AKAP13: variants seen among roughly 807,000 people sequenced by gnomAD.
AKAP13 encodes the protein A-kinase anchoring protein 13, also known as A-kinase anchor protein 13.
Under a neutral mutation model 264.5 loss-of-function variants are expected in AKAP13, and 80 were observed. The ratio of observed to expected loss-of-function variants is 0.30; its 90% CI spans 0.25 to 0.36. The LOEUF (loss-of-function observed/expected upper bound fraction) is 0.36. AKAP13 is among the 10% of genes least tolerant of loss of function. The pLI is 1.00. For synonymous variants in AKAP13, 1,380 were observed against 1,250.2 expected, an observed-to-expected ratio of 1.10 and a Z score of -2.19; for missense variants, 3,712 against 3,435.2, an observed-to-expected ratio of 1.08 and a Z score of -2.01.
At position 85,395,030 on chromosome 15, in the gene AKAP13, G is replaced by A. The variant is rs912817352; in HGVS notation, c.-12+14232G>A. On this transcript the variant is annotated intron_variant, in intron 1 of 36. Transcript: ENST00000394518. ...TAAATAGAATTATTTGATAAATAGT[G>A]TGTCTGGGTAATTTCCTAAGACAGG... 2.6e-5 allele frequency among the ~76,000 whole-genome samples: 4 copies of A among 152,160 alleles called. No individual in the cohort carries two copies. In the East Asian group the frequency reaches 5.8e-4, roughly 22 times the overall value.
intron 2 of AKAP13, among the ~76,000 whole-genome samples, chr15:85,519,224 G>T (rs964746504): frequency 4.6e-5 from 7 of 152,174 alleles, no homozygotes; most frequent in South Asian, 2.1e-4. Flanking sequence ...TAAATGAATG[G>T]GTTGGGTTCA....
chr15:85,467,606 G>T (rs182332894), intron 1 of AKAP13, among the ~76,000 whole-genome samples: 1 of 152,030 alleles, frequency 6.6e-6, no homozygotes, highest in Non-Finnish European at 1.5e-5. Flanking sequence ...TTCCTAGGTA[G>T]AATTGGCCAC....
intron 1 of AKAP13, among the ~76,000 whole-genome samples, chr15:85,387,260 C>T (rs774383833): frequency 6.6e-6 from 1 of 151,874 alleles, no homozygotes; most frequent in African/African-American, 2.4e-5. Flanking sequence ...TGCTTTAGCC[C>T]GGGAGATGGA....
chr15:85,442,194 G>T (rs978046495), intron 1 of AKAP13, among the ~76,000 whole-genome samples: 8 of 151,168 alleles, frequency 5.3e-5, no homozygotes, highest in African/African-American at 1.9e-4. Context: ...GGCGGATCAC[G>T]AGGTCAGGAG....
intron 17 of AKAP13, among the ~76,000 whole-genome samples, chr15:85,705,568 A>T (rs1030239651): frequency 6.9e-6 from 1 of 145,608 alleles, no homozygotes; most frequent in Non-Finnish European, 1.5e-5. Flanking sequence ...TTTATAAGCA[A>T]ATCCAAGGAA....
intron 5 of AKAP13, among the ~76,000 whole-genome samples, chr15:85,562,248 T>C (rs530062158): frequency 6.6e-6 from 1 of 152,240 alleles, no homozygotes; most frequent in South Asian, 2.1e-4. Context: ...TAATGAGTAC[T>C]TACTAGTAGT....
At chr15:85,562,564 C>CAAAAAAAAAA (rs1253215813) in intron 5 of AKAP13, among the ~76,000 whole-genome samples, 1 of 33,888 alleles carries the variant, frequency 3.0e-5, no homozygotes, top group African/African-American at 9.7e-5. Context: ...GAATCTGCCT[C>CAAAAAAAAAA]AAAAAAAAAA....
chr15:85,529,508 C>G (rs1049847856), intron 3 of AKAP13, among the ~76,000 whole-genome samples: 2 of 152,314 alleles, frequency 1.3e-5, no homozygotes, highest in African/African-American at 4.8e-5. Flanking sequence ...ATAGTCATGT[C>G]TCTAGCGCTA....
chr15:85,579,305 G>A lies in AKAP13; in HGVS notation c.1237G>A (p.Glu413Lys). The change falls in exon 7 of 37, where the codon GAA (glutamate) becomes AAA (lysine). Residue 413 changes from glutamate (E) to lysine (K), a missense_variant. Glu to Lys is a moderately conservative substitution (Grantham distance 56). Around this residue, in one of 3 missense-constraint regions of AKAP13, gnomAD observed 2,759 missense variants for 2,411.7 expected, o/e 1.14. Coordinates refer to ENST00000394518, the MANE Select transcript of AKAP13 (RefSeq NM_007200.5). ...GCCTGATTGTGGAGTAAAGGGCACG[G>A]AAGGCCTTTCGTCCTGTGGAAACAG... The part of the protein sequence containing the change: ...SLPDCGVKGT[E>K]GLSSCGNRNE... The A allele has an allele frequency of 1.2e-6, 2 of 1,614,240 alleles. No homozygotes were observed. Among genetic ancestry groups the A allele is most frequent in the Non-Finnish European group, 1.7e-6 (2 of 1,180,046 alleles).
intron 4 of AKAP13, 136 bp from the exon 5 acceptor site, chr15:85,543,636 A>C: frequency 1.0e-6 from 1 of 998,118 alleles, no homozygotes; most frequent in Non-Finnish European, 1.4e-6. Flanking sequence ...AAAGCTGTTC[A>C]CACTGTATGT....
chr15:85,570,359 G>GGA (rs1046004980), intron 5 of AKAP13, among the ~76,000 whole-genome samples: 2 of 152,298 alleles, frequency 1.3e-5, no homozygotes, highest in African/African-American at 4.8e-5. Flanking sequence ...GGCGGAGGCA[G>GGA]GAGAATCTCT....
intron 17 of AKAP13, among the ~76,000 whole-genome samples, chr15:85,705,165 A>G (rs947601573): frequency 1.1e-4 from 16 of 152,206 alleles, no homozygotes; most frequent in South Asian, 4.1e-4. Flanking sequence ...TTCTGCTTCT[A>G]TGTTCATCTC....
intron 1 of AKAP13, among the ~76,000 whole-genome samples, chr15:85,442,472 AT>A (rs1567059478): frequency 4.0e-5 from 5 of 124,462 alleles, no homozygotes; most frequent in African/African-American, 1.2e-4. Context: ...TACATAATAT[AT>A]ATTATATAAT....
chr15:85,583,480 G>GCTGTT (rs1439984403), intron 7 of AKAP13, among the ~76,000 whole-genome samples: 1 of 152,140 alleles, frequency 6.6e-6, no homozygotes, highest in African/African-American at 2.4e-5. Context: ...ATACTTGCTG[G>GCTGTT]CTGTTGTCTC....
chr15:85,487,984 A>T (rs1280639179), intron 2 of AKAP13, among the ~76,000 whole-genome samples: 1 of 152,188 alleles, frequency 6.6e-6, no homozygotes, highest in Non-Finnish European at 1.5e-5. Context: ...TGTAGCTGCG[A>T]TCTCCCAGGC....
At chr15:85,537,823 G>C (rs183269003) in intron 4 of AKAP13, among the ~76,000 whole-genome samples, 2 of 152,328 alleles carry the variant, frequency 1.3e-5, no homozygotes, top group East Asian at 3.9e-4. Context: ...CATTTTGAAT[G>C]TACCATTTGG....
chr15:85,477,144 A>C lies in AKAP13; in HGVS notation c.-11-8566A>C, dbSNP rs2075190504. ...GTAAAGGCACTGGTATCCCAAAAGA[A>C]CTGTTCTAAAAGATTACTTACTTCT... On this transcript the variant is annotated intron_variant, in intron 1 of 36. Transcript: ENST00000394518. 2.0e-5 allele frequency among the ~76,000 whole-genome samples: 3 copies of C among 152,224 alleles called. No individual in the cohort carries two copies. In the South Asian group the frequency reaches 6.2e-4, roughly 32 times the overall value.
At chr15:85,531,803 T>C (rs1027501207) in intron 3 of AKAP13, among the ~76,000 whole-genome samples, 31 of 152,184 alleles carry the variant, frequency 2.0e-4, no homozygotes, top group East Asian at 3.8e-4. Context: ...TGAAGACTTA[T>C]CTTCATGGTT....
chr15:85,500,903 G>C (rs899369983), intron 2 of AKAP13, among the ~76,000 whole-genome samples: 2 of 152,196 alleles, frequency 1.3e-5, no homozygotes, highest in African/African-American at 4.8e-5. Flanking sequence ...GCATCTGGCG[G>C]CTGGGGTGGA....
Sources: allele counts gnomAD v4.1 joint callset (sites outside exome capture counted in the v4.1 genomes callset), GRCh38; gene constraint gnomAD v4.1.1; regional missense constraint gnomAD v4.1.1; transcripts MANE v1.5; gene names NCBI Gene and HGNC (gene_info 2026-07-23, HGNC 2026-07-21).